Variants in IPP observed in about 807,000 individuals in gnomAD.
The protein encoded by IPP is actin-binding protein IPP.
IPP carries 41 observed loss-of-function variants against 64.1 expected under a neutral mutation model. That is an observed-to-expected ratio of 0.64 (90% CI 0.50 to 0.83). The LOEUF (loss-of-function observed/expected upper bound fraction) is 0.83, where lower values mean the gene tolerates loss of function less well. IPP is among the 40% of genes least tolerant of loss of function. The probability of loss-of-function intolerance (pLI) is 0.00; values close to 1 mark genes in which losing one functional copy is unlikely to be tolerated. For synonymous variants in IPP, 214 were observed against 235.2 expected (o/e 0.91, Z 0.83); for missense variants, 649 against 703.0 (o/e 0.92, Z 0.87).
chr1:45,718,902 C>CAAAAAA (rs59512208), intron 6 of IPP, among the ~76,000 whole-genome samples: 1 of 54,298 alleles, frequency 1.8e-5, no homozygotes. Context: ...TTAATGAATA[C>CAAAAAA]AAAAAAAAAA....
At chr1:45,695,858 A>G (rs1455190459), downstream of IPP, among the ~76,000 whole-genome samples, 2 of 152,094 alleles carry the variant, frequency 1.3e-5, no homozygotes, top group Non-Finnish European at 2.9e-5. Flanking sequence ...TAGTAGAGAC[A>G]GGGTTTCTCC....
intron 4 of IPP, 108 bp downstream of exon 4, chr1:45,729,506 C>T: frequency 1.2e-6 from 1 of 815,650 alleles, no homozygotes; most frequent in Admixed American, 2.7e-5. Context: ...TATGCCTCTT[C>T]AACACACCCA....
At chr1:45,704,614 A>G (rs1051104558) in intron 8 of IPP, among the ~76,000 whole-genome samples, 5 of 152,330 alleles carry the variant, frequency 3.3e-5, no homozygotes, top group South Asian at 2.1e-4. Context: ...GGTGTACTAG[A>G]ATTGGAGCTA....
chr1:45,708,281 C>G, intron 8 of IPP, among the ~76,000 whole-genome samples: 1 of 151,536 alleles, frequency 6.6e-6, no homozygotes, highest in East Asian at 2.0e-4. Flanking sequence ...AGCCAGGATG[C>G]TCTCAATCTC....
At chr1:45,713,982 A>AT in intron 8 of IPP, among the ~76,000 whole-genome samples, 1 of 152,342 alleles carries the variant, frequency 6.6e-6, no homozygotes, top group African/African-American at 2.4e-5. Flanking sequence ...AAATTAAAAA[A>AT]TAAATAAATA....
chr1:45,730,364 A>T (rs144117825), intron 3 of IPP, among the ~76,000 whole-genome samples: 4 of 152,320 alleles, frequency 2.6e-5, no homozygotes, highest in African/African-American at 9.6e-5. Flanking sequence ...AAATAAAAAA[A>T]AAAAAAGAAG....
chr1:45,725,321 C>G (rs1216721266), intron 5 of IPP, among the ~76,000 whole-genome samples: 4 of 145,088 alleles, frequency 2.8e-5, no homozygotes, highest in African/African-American at 1.0e-4. Flanking sequence ...GCCAGCCGCC[C>G]CGTCCGGGAG....
intron 2 of IPP, among the ~76,000 whole-genome samples, chr1:45,745,484 G>T (rs994202660): frequency 3.3e-5 from 5 of 151,818 alleles, no homozygotes; most frequent in African/African-American, 4.8e-5. Flanking sequence ...GATCTCATTT[G>T]TGAGATCTAT....
chr1:45,736,921 T>C (rs1017985622), intron 3 of IPP, among the ~76,000 whole-genome samples: 3 of 150,412 alleles, frequency 2.0e-5, no homozygotes, highest in Non-Finnish European at 2.9e-5. Context: ...CGGGCGCCCG[T>C]AGTCCCAGCT....
chr1:45,749,286 C>A (rs1646183441), intron 1 of IPP, among the ~76,000 whole-genome samples: 1 of 152,162 alleles, frequency 6.6e-6, no homozygotes, highest in African/African-American at 2.4e-5. Flanking sequence ...ACTGCTGATA[C>A]CATCCCACTG....
intron 2 of IPP, among the ~76,000 whole-genome samples, chr1:45,744,476 T>C (rs1159793929): frequency 6.6e-6 from 1 of 152,050 alleles, no homozygotes; most frequent in African/African-American, 2.4e-5. Context: ...CTCAAACTCC[T>C]GGATCCTCCC....
In IPP at chr1:45,698,745, TTC is replaced by T; in HGVS notation, c.*1219_*1220del. The stretch of plus-strand genomic sequence containing the variant: ...TTTTTTTTTTTTTTTTTGAGACAGG[TTC>T]TCATGCTGTCACCCAGGCCGGTGTG... On this transcript the variant is annotated 3_prime_UTR_variant, in exon 9 of 9. Transcript: ENST00000396478. 1 of 751,986 alleles carries T rather than the reference TTC, an allele frequency of 1.3e-6. No homozygotes were observed. Among genetic ancestry groups the T allele is most frequent in the Non-Finnish European group, 1.6e-6 (1 of 633,358 alleles). 46.6% of individuals were successfully genotyped at this position (751,986 alleles called of 1,614,324 possible).
chr1:45,719,642 T>A (rs988578846), intron 5 of IPP, among the ~76,000 whole-genome samples: 1 of 152,210 alleles, frequency 6.6e-6, no homozygotes, highest in Non-Finnish European at 1.5e-5. Context: ...ACTTCTATAT[T>A]TTTTTTCACA....
At chr1:45,730,682 A>G (rs1332153908) in intron 3 of IPP, among the ~76,000 whole-genome samples, 1 of 151,216 alleles carries the variant, frequency 6.6e-6, no homozygotes, top group Non-Finnish European at 1.5e-5. Flanking sequence ...TCTCCCTGAA[A>G]GGGCACTATT....
At chr1:45,743,633 C>G (rs1344718021) in intron 2 of IPP, among the ~76,000 whole-genome samples, 6 of 152,140 alleles carry the variant, frequency 3.9e-5, no homozygotes, top group Non-Finnish European at 7.4e-5. Context: ...GGGAGGATAG[C>G]TTGAGCCCTG....
In IPP at chr1:45,719,219, C is replaced by G; in HGVS notation, c.1170G>C (p.Gly390=). Residue 390 remains glycine, a synonymous_variant, in exon 6 of 9, where the codon GGG becomes GGC. Coordinates refer to ENST00000396478, the MANE Select transcript of IPP (RefSeq NM_005897.3). ...RCGLGVCVCY[G]AIYALGGWVG... Reference sequence around the variant, plus strand: ...CATAATTACCCAAAGCATAGATAGCCCCATAACACACACACACTCCTAAGC... The same window carrying G: ...CATAATTACCCAAAGCATAGATAGCGCCATAACACACACACACTCCTAAGC... 1 of 1,613,794 alleles carries G rather than the reference C, an allele frequency of 6.2e-7. No individual in the cohort carries two copies.
In IPP at chr1:45,706,640, A is replaced by G. The variant is rs1478163119; in HGVS notation, c.1531-6450T>C. On this transcript the variant is annotated intron_variant, in intron 8 of 8. Transcript: ENST00000396478. ...AATTTTGTATTTTATTAGTAGAGAC[A>G]GGGTTTCACCATGTTGGCCAGGCTG... 2.6e-5 allele frequency among the ~76,000 whole-genome samples: 4 copies of G among 152,204 alleles called. No individual in the cohort carries two copies. The East Asian group carries it at 7.7e-4, about 29-fold the overall frequency.
chr1:45,739,687 C>G lies in IPP; in HGVS notation c.724+1214G>C, dbSNP rs561331003. 1.8e-3 allele frequency among the ~76,000 whole-genome samples: 280 copies of G among 151,888 alleles called. 1 individual carries two copies. The highest frequency in any genetic ancestry group is 3.3e-3 in the Non-Finnish European group (225 of 67,972). On this transcript the variant is annotated intron_variant, in intron 3 of 8. Transcript: ENST00000396478. ...AGATGATTCAAAGGCTACTCAGAGG[C>G]CATAATTGTATATCAATACCAAATT...
intron 4 of IPP, among the ~76,000 whole-genome samples, chr1:45,728,827 A>T (rs1017756376): frequency 6.6e-6 from 1 of 152,142 alleles, no homozygotes; most frequent in African/African-American, 2.4e-5. Context: ...AATAAAAATG[A>T]AAAGAAGTTG....
Sources: allele counts gnomAD v4.1 joint callset (sites outside exome capture counted in the v4.1 genomes callset), GRCh38; gene constraint gnomAD v4.1.1; transcripts MANE v1.5; gene names NCBI Gene and HGNC (gene_info 2026-07-23, HGNC 2026-07-21).